The following PLXDC2 variants were observed in gnomAD, a reference collection of about 807,000 sequenced individuals.
PLXDC2 encodes plexin domain-containing protein 2.
PLXDC2 carries 40 observed loss-of-function variants against 68.9 expected under a neutral mutation model. That is an observed-to-expected ratio of 0.58 (90% CI 0.45 to 0.76). PLXDC2 has a LOEUF of 0.76. Ranked by LOEUF, PLXDC2 falls within the 30% of genes least tolerant of loss-of-function variation. The pLI, the probability that PLXDC2 is intolerant of heterozygous loss-of-function variation, is 0.00. For missense variants in PLXDC2, 644 were observed against 661.9 expected, an observed-to-expected ratio of 0.97 and a Z score of 0.30; for synonymous variants, 243 against 234.2, an observed-to-expected ratio of 1.04 and a Z score of -0.34.
At chr10:20,001,525 A>T (rs922080773) in intron 1 of PLXDC2, among the ~76,000 whole-genome samples, 21 of 141,978 alleles carry the variant, frequency 1.5e-4, no homozygotes, top group Non-Finnish European at 2.8e-4. Context: ...AGGGCTGCAC[A>T]TCTGTTTTTA....
chr10:19,855,633 T>G (rs779315613), intron 1 of PLXDC2, among the ~76,000 whole-genome samples: 1 of 152,234 alleles, frequency 6.6e-6, no homozygotes, highest in Non-Finnish European at 1.5e-5. Context: ...AATTCTCCAA[T>G]GGACATTTCC....
At chr10:19,822,268 A>G (rs1005405327) in intron 1 of PLXDC2, among the ~76,000 whole-genome samples, 3 of 149,340 alleles carry the variant, frequency 2.0e-5, no homozygotes, top group Admixed American at 6.7e-5. Context: ...TGCAATATAT[A>G]TAATATATGC....
chr10:19,888,909 A>G (rs1048961290), intron 1 of PLXDC2, among the ~76,000 whole-genome samples: 3 of 152,182 alleles, frequency 2.0e-5, no homozygotes, highest in Admixed American at 6.5e-5. Flanking sequence ...GCCAACCAGT[A>G]TTCTTTGGTG....
intron 12 of PLXDC2, among the ~76,000 whole-genome samples, chr10:20,239,410 T>A (rs1008838727): frequency 6.6e-6 from 1 of 152,186 alleles, no homozygotes; most frequent in African/African-American, 2.4e-5. Context: ...TGACTCACAG[T>A]TCTGCATGGC....
At chr10:19,956,274 A>G (rs11011700) in intron 1 of PLXDC2, among the ~76,000 whole-genome samples, 43,520 of 151,994 alleles carry the variant, frequency 0.29, 7,248 homozygotes, top group East Asian at 0.47. Flanking sequence ...TCTCAGGTGC[A>G]GGGGGGTGTC....
rs1833652695 is a variant in PLXDC2, at chr10:20,118,548, C to A, written c.542-24747C>A. On this transcript the variant is annotated intron_variant, in intron 4 of 13. Coordinates refer to ENST00000377252, the MANE Select transcript of PLXDC2 (RefSeq NM_032812.9). ...AGGAGTACTGATAGGAGCGGCACTG[C>A]ACAAAAGTGAATCGTTTTTCTAAAT... Among the ~76,000 whole-genome samples, 3 of 152,172 alleles carry A rather than the reference C, an allele frequency of 2.0e-5. No homozygotes were observed. In the South Asian group the frequency reaches 6.2e-4, roughly 32 times the overall value.
At chr10:19,949,123 C>A (rs1437427215) in intron 1 of PLXDC2, among the ~76,000 whole-genome samples, 751 of 82,822 alleles carry the variant, frequency 9.1e-3, no homozygotes, top group African/African-American at 0.019. Context: ...GAGACTTTGT[C>A]AAAAAAAAAA....
chr10:19,968,360 T>C (rs1834298826), intron 1 of PLXDC2, among the ~76,000 whole-genome samples: 1 of 152,224 alleles, frequency 6.6e-6, no homozygotes, highest in Non-Finnish European at 1.5e-5. Flanking sequence ...TCTCCCAGGC[T>C]GGAGTGCAGT....
chr10:20,033,922 T>C (rs1564289974), intron 2 of PLXDC2, among the ~76,000 whole-genome samples: 1 of 152,236 alleles, frequency 6.6e-6, no homozygotes, highest in Non-Finnish European at 1.5e-5. Context: ...AACAATGCCA[T>C]AAACTTTGAA....
intron 1 of PLXDC2, among the ~76,000 whole-genome samples, chr10:19,862,284 T>C (rs11011649): frequency 0.68 from 103,075 of 152,094 alleles, 36,534 homozygotes; most frequent in African/African-American, 0.9. Flanking sequence ...ATCAATCACT[T>C]ATGTGCCCAG....
chr10:19,928,337 T>G (rs1227898186), intron 1 of PLXDC2, among the ~76,000 whole-genome samples: 1 of 152,166 alleles, frequency 6.6e-6, no homozygotes, highest in Admixed American at 6.6e-5. Flanking sequence ...GTGAAAGACT[T>G]TAGGTCTGGG....
chr10:20,028,562 G>A (rs981338331), intron 2 of PLXDC2, among the ~76,000 whole-genome samples: 2 of 152,116 alleles, frequency 1.3e-5, no homozygotes, highest in South Asian at 4.1e-4. Context: ...ACCAGGTTCT[G>A]TTTCAAAATG....
intron 1 of PLXDC2, among the ~76,000 whole-genome samples, chr10:19,983,990 G>A (rs190441187): frequency 3.9e-5 from 6 of 152,274 alleles, no homozygotes; most frequent in African/African-American, 1.2e-4. Flanking sequence ...AGGGTGATAC[G>A]TCAGTTTAAA....
chr10:19,844,689 G>A lies in PLXDC2; in HGVS notation c.112+27498G>A, dbSNP rs190537577. 2.0e-3 allele frequency among the ~76,000 whole-genome samples: 298 copies of A among 151,850 alleles called. 1 individual carries two copies. Among genetic ancestry groups the A allele is most frequent in the African/African-American group, 6.8e-3 (280 of 41,434 alleles). ...TGTCTCACTGCAACCTCTGCCTTCTGGGCTCAAGTGATCCTCCCACCTCAG... is the reference window on the plus strand; with the variant it reads ...TGTCTCACTGCAACCTCTGCCTTCTAGGCTCAAGTGATCCTCCCACCTCAG... On this transcript the variant is annotated intron_variant, in intron 1 of 13. Transcript: ENST00000377252.
chr10:20,266,247 G>A (rs149598812), intron 13 of PLXDC2, among the ~76,000 whole-genome samples: 13 of 151,868 alleles, frequency 8.6e-5, no homozygotes, highest in Admixed American at 1.3e-4. Flanking sequence ...ATAGAAAGAG[G>A]ACCAGGTGGA....
intron 4 of PLXDC2, among the ~76,000 whole-genome samples, chr10:20,084,535 T>A (rs2131724289): frequency 6.6e-6 from 1 of 152,160 alleles, no homozygotes; most frequent in Non-Finnish European, 1.5e-5. Flanking sequence ...TTCATGAAGC[T>A]ACAGTGGAGA....
intron 1 of PLXDC2, among the ~76,000 whole-genome samples, chr10:19,953,025 C>T (rs990160951): frequency 6.6e-6 from 1 of 152,094 alleles, no homozygotes; most frequent in Non-Finnish European, 1.5e-5. Flanking sequence ...CCACCACGCC[C>T]AGCTAATTTT....
At chr10:20,077,048 C>A (rs1189720361) in intron 4 of PLXDC2, among the ~76,000 whole-genome samples, 1 of 152,140 alleles carries the variant, frequency 6.6e-6, no homozygotes, top group Non-Finnish European at 1.5e-5. Flanking sequence ...TTCATTCTAT[C>A]CTTTTTATAG....
chr10:20,001,972 A>C lies in PLXDC2; in HGVS notation c.310A>C (p.Asn104His), dbSNP rs150229661. 7.5e-4 allele frequency: 1,213 copies of C among 1,612,252 alleles called. 7 individuals carry two copies. In the African/African-American group the frequency reaches 0.014, roughly 19 times the overall value. ...GCTGCTGGATGATGGGCAGGACAAT[A>C]ACACTCAGATCGAGGTAGATAAATA... ...DLLLDDGQDN[N>H]TQIEEDTDHN... Residue 104 changes from asparagine to histidine, a missense_variant, in exon 2 of 14, where the codon AAC becomes CAC. Asn to His is a moderately conservative substitution (Grantham distance 68). This residue lies in a region of PLXDC2 where 201 missense variants were observed against 166.9 expected (regional missense o/e 1.20). Transcript: ENST00000377252.
Sources: allele counts gnomAD v4.1 joint callset (sites outside exome capture counted in the v4.1 genomes callset), GRCh38; gene constraint gnomAD v4.1.1; regional missense constraint gnomAD v4.1.1; transcripts MANE v1.5; gene names NCBI Gene and HGNC (gene_info 2026-07-23, HGNC 2026-07-21).